Variants in PHF2 observed in about 807,000 individuals in gnomAD.
PHF2 encodes lysine-specific demethylase PHF2.
PHF2 carries 27 observed loss-of-function variants against 120.5 expected under a neutral mutation model. That is an observed-to-expected ratio of 0.22 (90% CI 0.17 to 0.31). The LOEUF is 0.31. PHF2 is among the 10% of genes least tolerant of loss of function. PHF2 has a pLI of 1.00. For missense variants in PHF2, 1,024 were observed against 1,434.8 expected (o/e 0.71, Z 4.63); for synonymous variants, 568 against 592.5 (o/e 0.96, Z 0.60).
chr9:93,629,202 C>T (rs1825959016), intron 1 of PHF2, among the ~76,000 whole-genome samples: 1 of 152,142 alleles, frequency 6.6e-6, no homozygotes, highest in Non-Finnish European at 1.5e-5. Context: ...TGCCTGGCCT[C>T]ATGTCACTTT....
At chr9:93,619,872 A>T (rs1402026507) in intron 1 of PHF2, among the ~76,000 whole-genome samples, 3 of 151,104 alleles carry the variant, frequency 2.0e-5, no homozygotes, top group Non-Finnish European at 4.4e-5. Flanking sequence ...TCCTGGGGTG[A>T]CATTTGTGCC....
intron 5 of PHF2, among the ~76,000 whole-genome samples, chr9:93,650,321 T>C (rs1157400773): frequency 6.6e-6 from 1 of 152,134 alleles, no homozygotes; most frequent in Non-Finnish European, 1.5e-5. Flanking sequence ...GACACGCTTA[T>C]GACACACACA....
rs1213196485 is a variant in PHF2, at chr9:93,576,759, G to A, written c.-15G>A. 4 of 1,185,292 alleles carry A rather than the reference G, an allele frequency of 3.4e-6. No homozygotes were observed. The highest frequency in any genetic ancestry group is 3.2e-6 in the Non-Finnish European group (3 of 925,974). 73.4% of individuals were successfully genotyped at this position (1,185,292 alleles called of 1,614,324 possible). On this transcript the variant is annotated 5_prime_UTR_variant, in exon 1 of 22. Transcript: ENST00000359246. ...AGCGCAGCGGCGGGGCCGAGCGGCG[G>A]CGCGGCGCGGCAACATGGCGACGGT...
chr9:93,651,586 T>G (rs956305788), intron 5 of PHF2, among the ~76,000 whole-genome samples: 1 of 152,138 alleles, frequency 6.6e-6, no homozygotes, highest in African/African-American at 2.4e-5. Flanking sequence ...TGGGGCCTGC[T>G]GCCTCAGGGG....
At chr9:93,618,842 G>GCGTGTTTGGGGTATGTA (rs1564383253) in intron 1 of PHF2, among the ~76,000 whole-genome samples, 2 of 140,934 alleles carry the variant, frequency 1.4e-5, no homozygotes, top group African/African-American at 2.7e-5. Flanking sequence ...TGTGGTGTGT[G>GCGTGTTTGGGGTATGTA]TGTGTGCCTG....
Position 93,576,606 on chromosome 9 carries a change from G to A in PHF2, c.-168G>A. 6.8e-6 allele frequency: 1 copy of A among 146,030 alleles called. No individual in the cohort carries two copies. The highest frequency in any genetic ancestry group is 6.8e-5 in the Admixed American group (1 of 14,680). The allele number at this position is 146,030 out of a possible 1,614,324, so 9.0% of individuals were successfully genotyped here. Reference sequence around the variant, plus strand: ...GGCATTGTGTGGACGCGCCTGGCCGGGAGCGCGCGCGGGGGCTGTCGTGCG... The same window carrying A: ...GGCATTGTGTGGACGCGCCTGGCCGAGAGCGCGCGCGGGGGCTGTCGTGCG... On this transcript the variant is annotated 5_prime_UTR_variant, in exon 1 of 22. Transcript: ENST00000359246.
rs200681625 is a variant in PHF2, at chr9:93,650,142, G to T, written c.602+930G>T. On this transcript the variant is annotated intron_variant, in intron 5 of 21. Transcript: ENST00000359246. ...ACACACACTTAGCACTCACCAACAC[G>T]GTACACTCACACATGGACACACTCG... is the stretch of plus-strand genomic sequence containing the variant. Among the ~76,000 whole-genome samples the T allele has an allele frequency of 8.0e-5, 3 of 37,478 alleles. No homozygotes were observed. In the South Asian group the frequency reaches 1.1e-3, roughly 13 times the overall value. The allele number at this position is 37,478 out of a possible 152,430, so 24.6% of individuals were successfully genotyped here.
intron 1 of PHF2, among the ~76,000 whole-genome samples, chr9:93,618,445 G>A (rs895233074): frequency 1.3e-5 from 2 of 152,190 alleles, no homozygotes; most frequent in African/African-American, 4.8e-5. Flanking sequence ...ACACACAAAC[G>A]GGCATACAAG....
intron 3 of PHF2, among the ~76,000 whole-genome samples, chr9:93,641,369 T>C (rs1330854331): frequency 6.6e-6 from 1 of 152,258 alleles, no homozygotes; most frequent in East Asian, 1.9e-4. Flanking sequence ...AAGTTATCAC[T>C]TAAGTGTTCC....
In PHF2 at chr9:93,677,654, G is replaced by A. The variant is rs777779032; in HGVS notation, c.3269G>A (p.Arg1090Gln). 6 of 1,613,452 alleles carry A rather than the reference G, an allele frequency of 3.7e-6. No individual in the cohort carries two copies. Among genetic ancestry groups the A allele is most frequent in the African/African-American group, 1.3e-5 (1 of 74,898 alleles). ...QRLGKILKIH[R>Q]NGKLLL is the part of the protein sequence containing the mutation. ...CTTGGGAAAATTTTGAAAATTCATC[G>A]GAACGGGAAACTACTCCTTTAAGAT... The change falls in exon 22 of 22, where the codon CGG (arginine) becomes CAG (glutamine). Residue 1090 changes from arginine (R) to glutamine (Q), a missense_variant. Coordinates refer to ENST00000359246, the MANE Select transcript of PHF2 (RefSeq NM_005392.4). The surrounding 1 kb of genome is among the most constrained non-coding windows in gnomAD (Gnocchi z 4.4).
chr9:93,605,518 C>T (rs568922923), intron 1 of PHF2, among the ~76,000 whole-genome samples: 1 of 152,346 alleles, frequency 6.6e-6, no homozygotes, highest in South Asian at 2.1e-4. Flanking sequence ...CCTCCCAGTA[C>T]CCCCAAACCT....
At chr9:93,621,746 C>T (rs1825831485) in intron 1 of PHF2, among the ~76,000 whole-genome samples, 1 of 152,050 alleles carries the variant, frequency 6.6e-6, no homozygotes, top group Non-Finnish European at 1.5e-5. Flanking sequence ...GTGCTGTCTG[C>T]CCCCAGGATC....
intron 1 of PHF2, among the ~76,000 whole-genome samples, chr9:93,587,679 C>G (rs1276803947): frequency 1.3e-5 from 2 of 152,094 alleles, no homozygotes; most frequent in African/African-American, 4.8e-5. Context: ...TTGCCAGGCA[C>G]TGCTTCTGCC....
intron 1 of PHF2, among the ~76,000 whole-genome samples, chr9:93,617,291 G>A (rs1383908518): frequency 6.6e-6 from 1 of 152,212 alleles, no homozygotes; most frequent in Non-Finnish European, 1.5e-5. Context: ...GCACTGGCAT[G>A]CTTGGGGTCA....
intron 10 of PHF2, among the ~76,000 whole-genome samples, chr9:93,659,212 A>T (rs1826515957): frequency 6.6e-6 from 1 of 152,220 alleles, no homozygotes; most frequent in African/African-American, 2.4e-5. Context: ...ACCTCACCTT[A>T]GCCATGTGGC....
chr9:93,654,503 T>C lies in PHF2; in HGVS notation c.880T>C (p.Phe294Leu). The C allele has an allele frequency of 6.2e-7, 1 of 1,614,084 alleles. No homozygotes were observed. Among genetic ancestry groups the C allele is most frequent in the Non-Finnish European group, 8.5e-7 (1 of 1,180,010 alleles). The change falls in exon 7 of 22, where the codon TTC becomes CTC. Residue 294 changes from phenylalanine (F) to leucine (L), a missense_variant. Coordinates refer to ENST00000359246, the MANE Select transcript of PHF2 (RefSeq NM_005392.4). ...WRSASNHSEM[F>L]FADQVDKCYK... Reference sequence around the variant, plus strand: ...GTCTGCCTCTAACCACAGCGAGATGTTCTTTGCTGACCAGGTCGACAAATG... The same window carrying C: ...GTCTGCCTCTAACCACAGCGAGATGCTCTTTGCTGACCAGGTCGACAAATG...
intron 1 of PHF2, among the ~76,000 whole-genome samples, chr9:93,593,382 C>T (rs1348678343): frequency 6.6e-6 from 1 of 152,176 alleles, no homozygotes; most frequent in Non-Finnish European, 1.5e-5. Flanking sequence ...CATTTGCTCT[C>T]TGGTCAAATT....
In PHF2 at chr9:93,676,724, C is replaced by CT. The variant is rs368818072; in HGVS notation, c.2963_2964insT (p.Ala989GlyfsTer27). ...TCCACCACGCCAGCCTCTACCACCC[C>CT]GGCCTCCACCACCCCGGCCTCCACC... On this transcript the variant is annotated frameshift_variant, in exon 21 of 22. Transcript: ENST00000359246. LOFTEE classifies it high-confidence loss of function. 43 of 1,559,710 alleles carry CT rather than the reference C, an allele frequency of 2.8e-5. No individual in the cohort carries two copies. In the Admixed American group the frequency reaches 3.9e-4, roughly 14 times the overall value.
chr9:93,634,153 A>G (rs1826053128), intron 2 of PHF2, among the ~76,000 whole-genome samples: 1 of 152,090 alleles, frequency 6.6e-6, no homozygotes, highest in Non-Finnish European at 1.5e-5. Flanking sequence ...TGGAGTAGAT[A>G]TAACTGCCTC....
Sources: allele counts gnomAD v4.1 joint callset (sites outside exome capture counted in the v4.1 genomes callset), GRCh38; gene constraint gnomAD v4.1.1; non-coding constraint Gnocchi (gnomAD v3.1); transcripts MANE v1.5; gene names NCBI Gene and HGNC (gene_info 2026-07-23, HGNC 2026-07-21).